BBS9: variants seen among roughly 807,000 people sequenced by gnomAD.
BBS9 encodes protein PTHB1.
BBS9 carries 89 observed loss-of-function variants against 117.7 expected under a neutral mutation model. The observed-to-expected ratio is 0.76, with a 90% CI of 0.64 to 0.90. The LOEUF is 0.90. Among genes scored for constraint, BBS9 ranks in the 40% least tolerant of loss-of-function variants. The pLI, the probability that BBS9 is intolerant of heterozygous loss-of-function variation, is 0.00. For synonymous variants in BBS9, 379 were observed against 370.9 expected, an observed-to-expected ratio of 1.02 and a Z score of -0.25; for missense variants, 982 against 1,042.2, an observed-to-expected ratio of 0.94 and a Z score of 0.80.
chr7:33,611,480 T>C (rs962803654), intron 21 of BBS9, among the ~76,000 whole-genome samples: 9 of 143,212 alleles, frequency 6.3e-5, no homozygotes, highest in African/African-American at 2.3e-4. Flanking sequence ...TAATATATTA[T>C]AATAATGTAA....
intron 19 of BBS9, among the ~76,000 whole-genome samples, chr7:33,474,389 G>A (rs1185329273): frequency 6.6e-6 from 1 of 152,172 alleles, no homozygotes; most frequent in Non-Finnish European, 1.5e-5. Context: ...TTCTTATCCA[G>A]TCTTTTTGCC....
rs572135220 is a variant in BBS9 at position 33,298,493 on chromosome 7, A to G, written c.1016+24537A>G. ...TTTACCAATATGCCCACTTTTAACA[A>G]TTATTTTACTTAGAGAAGCTATAAA... On this transcript the variant is annotated intron_variant, in intron 9 of 22. Transcript: ENST00000242067. 2.0e-5 allele frequency among the ~76,000 whole-genome samples: 3 copies of G among 152,310 alleles called. No individual in the cohort carries two copies. The South Asian group carries it at 6.2e-4, about 32-fold the overall frequency.
chr7:33,319,859 C>G (rs531528228), intron 9 of BBS9, among the ~76,000 whole-genome samples: 1 of 152,074 alleles, frequency 6.6e-6, no homozygotes, highest in East Asian at 1.9e-4. Context: ...AACAAATTAG[C>G]AAGAAAAAAA....
intron 15 of BBS9, among the ~76,000 whole-genome samples, chr7:33,356,475 T>G (rs529290159): frequency 2.6e-5 from 4 of 151,840 alleles, no homozygotes; most frequent in Non-Finnish European, 5.9e-5. Context: ...CCAGTTGTAA[T>G]TCGCATCTAG....
intron 4 of BBS9, among the ~76,000 whole-genome samples, chr7:33,165,362 T>C (rs1795508407): frequency 6.6e-6 from 1 of 152,162 alleles, no homozygotes; most frequent in African/African-American, 2.4e-5. Flanking sequence ...TTTCCTGAAT[T>C]TGAATGTTGG....
At chr7:33,456,119 T>C (rs551637753) in intron 19 of BBS9, among the ~76,000 whole-genome samples, 3 of 152,304 alleles carry the variant, frequency 2.0e-5, no homozygotes, top group African/African-American at 7.2e-5. Context: ...ACAATTTTTG[T>C]TTAATCATAG....
intron 5 of BBS9, among the ~76,000 whole-genome samples, chr7:33,231,239 T>A (rs904825421): frequency 3.3e-5 from 5 of 151,944 alleles, no homozygotes; most frequent in African/African-American, 9.7e-5. Flanking sequence ...CCTGAGGTCA[T>A]GTGATCCTCC....
intron 19 of BBS9, among the ~76,000 whole-genome samples, chr7:33,464,448 ACTT>A (rs1171050064): frequency 2.0e-5 from 3 of 152,102 alleles, no homozygotes; most frequent in Non-Finnish European, 2.9e-5. Flanking sequence ...AAACTGGAAA[ACTT>A]CTTTACAATT....
chr7:33,616,545 A>G (rs1206250479), intron 21 of BBS9, among the ~76,000 whole-genome samples: 1 of 149,026 alleles, frequency 6.7e-6, no homozygotes, highest in Non-Finnish European at 1.5e-5. Context: ...AATCATATAA[A>G]ATACTCAATG....
Position 33,605,289 on chromosome 7 carries a change from T to G in BBS9, c.*63T>G. 1 of 1,524,150 alleles carries G rather than the reference T, an allele frequency of 6.6e-7. No homozygotes were observed. The highest frequency in any genetic ancestry group is 9.1e-7 in the Non-Finnish European group (1 of 1,098,190). 94.4% of individuals were successfully genotyped at this position (1,524,150 alleles called of 1,614,324 possible). On this transcript the variant is annotated 3_prime_UTR_variant, in exon 23 of 23. Coordinates refer to ENST00000242067, the MANE Select transcript of BBS9 (RefSeq NM_198428.3). Reference sequence around the variant, plus strand: ...TCTCAAGGCCGAACCTGTGTGAACCTCATGCCAAGCACAGATATAGGGCTG... The same window carrying G: ...TCTCAAGGCCGAACCTGTGTGAACCGCATGCCAAGCACAGATATAGGGCTG...
chr7:33,362,520 C>T (rs1820813151), intron 16 of BBS9, among the ~76,000 whole-genome samples: 1 of 152,166 alleles, frequency 6.6e-6, no homozygotes, highest in African/African-American at 2.4e-5. Flanking sequence ...TTCAGACTAT[C>T]CTTTTCCACT....
At chr7:33,201,305 C>T (rs753962564) in intron 5 of BBS9, among the ~76,000 whole-genome samples, 1 of 152,076 alleles carries the variant, frequency 6.6e-6, no homozygotes, top group African/African-American at 2.4e-5. Flanking sequence ...AGAATATGTG[C>T]TTTCTGTTTC....
chr7:33,438,837 C>T (rs530202609), intron 19 of BBS9, among the ~76,000 whole-genome samples: 7 of 152,248 alleles, frequency 4.6e-5, no homozygotes, highest in East Asian at 3.9e-4. Context: ...ACAAAGCTGG[C>T]GAATGTTCTC....
At chr7:33,544,775 T>C (rs544896162) in intron 21 of BBS9, among the ~76,000 whole-genome samples, 34 of 152,214 alleles carry the variant, frequency 2.2e-4, no homozygotes, top group African/African-American at 8.2e-4. Context: ...ATGCCCTTTG[T>C]TTTCCACTAC....
intron 5 of BBS9, among the ~76,000 whole-genome samples, chr7:33,191,014 G>A (rs1784031725): frequency 6.6e-6 from 1 of 152,212 alleles, no homozygotes; most frequent in African/African-American, 2.4e-5. Flanking sequence ...GCATTCAAGA[G>A]GAGGTCCCTT....
At chr7:33,566,455 A>G (rs1173565012) in intron 21 of BBS9, among the ~76,000 whole-genome samples, 1 of 152,040 alleles carries the variant, frequency 6.6e-6, no homozygotes, top group Non-Finnish European at 1.5e-5. Context: ...GAATTTTGGG[A>G]GTAACATCAC....
At chr7:33,394,005 A>G (rs1379509031) in intron 19 of BBS9, among the ~76,000 whole-genome samples, 1 of 152,152 alleles carries the variant, frequency 6.6e-6, no homozygotes, top group Non-Finnish European at 1.5e-5. Flanking sequence ...CCTTGCCTAC[A>G]TAGTGTCTAC....
intron 13 of BBS9, among the ~76,000 whole-genome samples, chr7:33,350,954 A>G (rs1362873810): frequency 6.6e-6 from 1 of 152,148 alleles, no homozygotes; most frequent in African/African-American, 2.4e-5. Context: ...TAGGCCTCCC[A>G]AAGTGTTGGG....
chr7:33,216,935 A>G (rs1421744640), intron 5 of BBS9, among the ~76,000 whole-genome samples: 1 of 152,120 alleles, frequency 6.6e-6, no homozygotes, highest in Admixed American at 6.5e-5. Flanking sequence ...TCTACTAAAA[A>G]TACAAAAAAA....
Sources: gnomAD v4.1 joint callset for allele counts (sites outside exome capture counted in the v4.1 genomes callset) on GRCh38, gnomAD v4.1.1 for gene constraint, MANE v1.5 for transcripts, NCBI Gene and HGNC (gene_info 2026-07-23, HGNC 2026-07-21) for gene names.